The following ANO2 variants were observed in gnomAD, a reference collection of about 807,000 sequenced individuals.
The protein encoded by ANO2 is anoctamin 2.
Under a neutral mutation model 124.2 loss-of-function variants are expected in ANO2, and 101 were observed. That is an observed-to-expected ratio of 0.81 (90% confidence interval 0.69 to 0.96). The LOEUF is 0.96. Among genes scored for constraint, ANO2 ranks in the 40% least tolerant of loss-of-function variants. ANO2 has a pLI of 0.00. For missense variants in ANO2, 1,293 were observed against 1,274.5 expected (o/e 1.01, Z -0.22); for synonymous variants, 486 against 482.5 (o/e 1.01, Z -0.09).
In ANO2 at chr12:5,656,126, T is replaced by C. The variant is rs1192401626; in HGVS notation, c.1546-8325A>G. ...GGAGAGCAGCTATAGTTTGCTTTCT[T>C]AAGAAGTTAGAGGGAACACAGGGTT... is the stretch of plus-strand genomic sequence containing the variant. On this transcript the variant is annotated intron_variant, in intron 14 of 24. Coordinates refer to ENST00000682330, the MANE Select transcript of ANO2 (RefSeq NM_001364791.2). Among the ~76,000 whole-genome samples, 4 of 152,188 alleles carry C rather than the reference T, an allele frequency of 2.6e-5. No homozygotes were observed. In the East Asian group the frequency reaches 7.7e-4, roughly 29 times the overall value.
Position 5,922,809 on chromosome 12 carries a change from G to T in ANO2, c.23-5C>A. The T allele has an allele frequency of 6.7e-7, 1 of 1,485,076 alleles. No homozygotes were observed. The allele number at this position is 1,485,076 out of a possible 1,614,324, so 92.0% of individuals were successfully genotyped here. A position where few individuals can be genotyped will look rare whatever the true frequency, so the allele number is the denominator to read the frequency against. On this transcript the variant is annotated splice_region_variant and splice_polypyrimidine_tract_variant and intron_variant, in intron 1 of 24. Transcript: ENST00000682330. ...AGCCAGGGAGCAGGGGTATATCTGT[G>T]AGAGGGAAAGACAAGGGAGGCAAAA...
chr12:5,922,670 T>C lies in ANO2; in HGVS notation c.157A>G (p.Asn53Asp). The C allele has an allele frequency of 1.3e-6, 2 of 1,567,776 alleles. No individual in the cohort carries two copies. The highest frequency in any genetic ancestry group is 1.7e-6 in the Non-Finnish European group (2 of 1,158,442). ...CCGCAGGGCTGGCCAGGATCTCTGT[T>C]GGAACCGCCCTGCAGACCTGGGGCC... ...PRAPGLQGGS[N>D]RDPGQPCGGE... is the part of the protein sequence containing the mutation. The change falls in exon 2 of 25, where the codon AAC becomes GAC. Residue 53 changes from asparagine (N) to aspartate (D), a missense_variant. By Grantham distance (23) the Asn-to-Asp change is conservative. Coordinates refer to ENST00000682330, the MANE Select transcript of ANO2 (RefSeq NM_001364791.2).
At chr12:5,578,109 G>T in intron 21 of ANO2, 102 bp from the exon 22 acceptor site, 1 of 1,400,130 alleles carries the variant, frequency 7.1e-7, no homozygotes, top group Non-Finnish European at 9.9e-7. Flanking sequence ...CTACGGAGCA[G>T]CTTTGCTGGG....
intron 3 of ANO2, among the ~76,000 whole-genome samples, chr12:5,909,950 T>C (rs1940946288): frequency 6.6e-6 from 1 of 152,254 alleles, no homozygotes; most frequent in African/African-American, 2.4e-5. Context: ...TTTAAATGTA[T>C]AAAATAATTA....
Position 5,654,942 on chromosome 12 carries a change from T to C in ANO2, c.1546-7141A>G, listed in dbSNP as rs113030146. ...GGGATCCTGAGTGCCACTTAAAAAATTACACAACTGCATGGATTGATGTCA... is the reference window on the plus strand; with the variant it reads ...GGGATCCTGAGTGCCACTTAAAAAACTACACAACTGCATGGATTGATGTCA... On this transcript the variant is annotated intron_variant, in intron 14 of 24. Coordinates refer to ENST00000682330, the MANE Select transcript of ANO2 (RefSeq NM_001364791.2). 9.6e-3 allele frequency among the ~76,000 whole-genome samples: 1,464 copies of C among 152,208 alleles called. 18 individuals carry two copies. Among genetic ancestry groups the C allele is most frequent in the Non-Finnish European group, 0.012 (836 of 68,012 alleles).
At chr12:5,632,055 G>A (rs761760360) in intron 16 of ANO2, among the ~76,000 whole-genome samples, 1 of 152,128 alleles carries the variant, frequency 6.6e-6, no homozygotes, top group Non-Finnish European at 1.5e-5. Context: ...TATGAAGAAG[G>A]AAGGATCAGG....
At chr12:5,786,335 T>C (rs989757294) in intron 10 of ANO2, among the ~76,000 whole-genome samples, 1 of 152,194 alleles carries the variant, frequency 6.6e-6, no homozygotes, top group Non-Finnish European at 1.5e-5. Context: ...TAGAGTGTCA[T>C]GCACCACCTC....
chr12:5,932,604 CGAG>C (rs2136318554), intron 1 of ANO2, among the ~76,000 whole-genome samples: 1 of 117,346 alleles, frequency 8.5e-6, no homozygotes, highest in Non-Finnish European at 1.8e-5. Context: ...AGAAGGTAGA[CGAG>C]TGAGGAAAGA....
intron 14 of ANO2, among the ~76,000 whole-genome samples, chr12:5,701,430 T>C (rs1435950463): frequency 6.6e-6 from 1 of 152,218 alleles, no homozygotes; most frequent in African/African-American, 2.4e-5. Flanking sequence ...TGGTTTTCCC[T>C]TAGTCCTGGA....
intron 3 of ANO2, among the ~76,000 whole-genome samples, chr12:5,888,911 G>A (rs775992962): frequency 6.6e-6 from 1 of 152,222 alleles, no homozygotes; most frequent in Non-Finnish European, 1.5e-5. Flanking sequence ...CTCAGCCCTT[G>A]GGTGGTCGAA....
At chr12:5,859,370 CT>C (rs1207281848) in intron 3 of ANO2, among the ~76,000 whole-genome samples, 1 of 152,156 alleles carries the variant, frequency 6.6e-6, no homozygotes, top group Non-Finnish European at 1.5e-5. Context: ...CTCAAAAAAA[CT>C]ATGCAATCCT....
chr12:5,739,797 ACTGTCACTTTTTCCCT>A, intron 12 of ANO2: 2 of 448,792 alleles, frequency 4.5e-6, no homozygotes, highest in Non-Finnish European at 4.5e-6. Flanking sequence ...CTTCATCAGC[ACTGTCACTTTTTCCCT>A]ACATTTCTTT....
intron 16 of ANO2, among the ~76,000 whole-genome samples, chr12:5,631,855 C>T (rs1195579003): frequency 1.3e-5 from 2 of 152,126 alleles, no homozygotes; most frequent in Non-Finnish European, 2.9e-5. Context: ...ACTATAGGTG[C>T]TCTAGGACCA....
At chr12:5,893,423 T>C (rs1330313513) in intron 3 of ANO2, among the ~76,000 whole-genome samples, 4 of 151,368 alleles carry the variant, frequency 2.6e-5, no homozygotes, top group African/African-American at 9.7e-5. Context: ...CATCAAAAAG[T>C]GGGCAAAGAA....
chr12:5,904,626 C>T lies in ANO2; in HGVS notation c.534+16414G>A, dbSNP rs1940551114. On this transcript the variant is annotated intron_variant, in intron 3 of 24. Coordinates refer to ENST00000682330, the MANE Select transcript of ANO2 (RefSeq NM_001364791.2). This position sits in a 1 kb window ranked among gnomAD's most constrained non-coding sequence, Gnocchi z 4.1. ...AGAGCCCCAGGTGACCCTGGTACCA[C>T]ACGGCCCCGACATGCCACAGCACCC... is the stretch of plus-strand genomic sequence containing the variant. Among the ~76,000 whole-genome samples the T allele has an allele frequency of 6.6e-6, 1 of 152,208 alleles. No homozygotes were observed. Among genetic ancestry groups the T allele is most frequent in the Non-Finnish European group, 1.5e-5 (1 of 68,038 alleles).
At chr12:5,691,327 C>CAAAAAAAAAAA (rs60573302) in intron 14 of ANO2, among the ~76,000 whole-genome samples, 1 of 86,998 alleles carries the variant, frequency 1.1e-5, no homozygotes, top group African/African-American at 5.7e-5. Flanking sequence ...GACTCCATCT[C>CAAAAAAAAAAA]AAAAAAAAAA....
intron 14 of ANO2, among the ~76,000 whole-genome samples, chr12:5,669,425 T>C (rs1195850805): frequency 6.6e-6 from 1 of 152,208 alleles, no homozygotes; most frequent in African/African-American, 2.4e-5. Flanking sequence ...GCTTATCAGC[T>C]TAAGAAGTTT....
intron 14 of ANO2, among the ~76,000 whole-genome samples, chr12:5,711,997 C>T (rs535312781): frequency 1.9e-4 from 29 of 152,272 alleles, no homozygotes; most frequent in South Asian, 1.7e-3. Context: ...GACCTACTAA[C>T]GGCCCTTAGG....
At chr12:5,808,137 G>A (rs1340143387) in intron 7 of ANO2, among the ~76,000 whole-genome samples, 1 of 152,148 alleles carries the variant, frequency 6.6e-6, no homozygotes, top group East Asian at 1.9e-4. Flanking sequence ...AACACCCTTT[G>A]GGTGTTCCCA....
Sources: gnomAD v4.1 joint callset for allele counts (sites outside exome capture counted in the v4.1 genomes callset) on GRCh38, gnomAD v4.1.1 for gene constraint, Gnocchi (gnomAD v3.1) non-coding constraint, MANE v1.5 for transcripts, NCBI Gene and HGNC (gene_info 2026-07-23, HGNC 2026-07-21) for gene names.